The following RAB3GAP2 variants were observed in gnomAD, a reference collection of about 807,000 sequenced individuals.
RAB3GAP2 encodes rab3 GTPase-activating protein non-catalytic subunit.
A neutral mutation model predicts 185.3 loss-of-function variants in RAB3GAP2; 87 were observed. The observed-to-expected ratio is 0.47, with a 90% CI of 0.39 to 0.56. The LOEUF is 0.56. Among genes scored for constraint, RAB3GAP2 ranks in the 20% least tolerant of loss-of-function variants. RAB3GAP2 has a pLI of 0.00. For missense variants in RAB3GAP2, 1,492 were observed against 1,638.2 expected (o/e 0.91, Z 1.54); for synonymous variants, 554 against 576.1 (o/e 0.96, Z 0.55).
intron 1 of RAB3GAP2, among the ~76,000 whole-genome samples, chr1:220,246,765 T>C (rs1558169098): frequency 8.2e-6 from 1 of 121,514 alleles, no homozygotes. Context: ...CTCTGAGGAC[T>C]GTCGTGGGGT....
intron 4 of RAB3GAP2, among the ~76,000 whole-genome samples, chr1:220,211,619 A>C (rs1315028155): frequency 6.6e-6 from 1 of 152,158 alleles, no homozygotes; most frequent in Non-Finnish European, 1.5e-5. Context: ...TGTAGACTTG[A>C]AATATTTGTC....
intron 26 of RAB3GAP2, among the ~76,000 whole-genome samples, chr1:220,165,894 T>TC (rs2102856319): frequency 6.6e-6 from 1 of 152,306 alleles, no homozygotes; most frequent in African/African-American, 2.4e-5. Flanking sequence ...TTTGTCTATG[T>TC]CCCCTCTGCA....
At chr1:220,267,254 G>C in intron 1 of RAB3GAP2, 1 of 912,800 alleles carries the variant, frequency 1.1e-6, no homozygotes, top group South Asian at 1.3e-5. Flanking sequence ...AGTTTCTGAA[G>C]TTCTGTATTG....
chr1:220,166,736 C>T (rs1658075534), intron 26 of RAB3GAP2, among the ~76,000 whole-genome samples: 1 of 152,194 alleles, frequency 6.6e-6, no homozygotes, highest in Non-Finnish European at 1.5e-5. Context: ...CCTTGGACTA[C>T]AGTCAACCCT....
At chr1:220,236,674 GAA>G (rs1018689584) in intron 1 of RAB3GAP2, among the ~76,000 whole-genome samples, 1 of 120,998 alleles carries the variant, frequency 8.3e-6, no homozygotes, top group Non-Finnish European at 1.8e-5. Context: ...ACATTCTTTA[GAA>G]AAAAAAAAAA....
intron 1 of RAB3GAP2, chr1:220,266,969 C>T: frequency 1.2e-6 from 2 of 1,606,072 alleles, no homozygotes; most frequent in Non-Finnish European, 1.7e-6. Flanking sequence ...CAGCAAAGAA[C>T]TCCAAGGCTC....
Position 220,210,883 on chromosome 1 carries a change from C to T in RAB3GAP2, c.435-7G>A. 1 of 1,613,850 alleles carries T rather than the reference C, an allele frequency of 6.2e-7. No homozygotes were observed. The highest frequency in any genetic ancestry group is 8.5e-7 in the Non-Finnish European group (1 of 1,179,882). Reference sequence around the variant, plus strand: ...AGGACGCCCAGTGGAACTCCTGTTACAAACAAAATTTATTATCTTAACAAC... The same window carrying T: ...AGGACGCCCAGTGGAACTCCTGTTATAAACAAAATTTATTATCTTAACAAC... On this transcript the variant is annotated splice_polypyrimidine_tract_variant and splice_region_variant and intron_variant, in intron 5 of 34. Coordinates refer to ENST00000358951, the MANE Select transcript of RAB3GAP2 (RefSeq NM_012414.4).
chr1:220,173,174 G>A (rs1277438246), intron 21 of RAB3GAP2, among the ~76,000 whole-genome samples: 3 of 152,170 alleles, frequency 2.0e-5, no homozygotes, highest in African/African-American at 7.2e-5. Context: ...TTGCAGACGT[G>A]GCAGTGAGGA....
chr1:220,258,898 C>T (rs1187323042), intron 1 of RAB3GAP2, among the ~76,000 whole-genome samples: 1 of 152,138 alleles, frequency 6.6e-6, no homozygotes, highest in Non-Finnish European at 1.5e-5. Flanking sequence ...TCTCAGGATA[C>T]AAAATCAATG....
chr1:220,165,698 T>C (rs1362043368), intron 26 of RAB3GAP2, among the ~76,000 whole-genome samples: 1 of 152,248 alleles, frequency 6.6e-6, no homozygotes, highest in Admixed American at 6.5e-5. Context: ...GCAACATTAA[T>C]GATACTGATA....
Position 220,240,927 on chromosome 1 carries a change from C to T in RAB3GAP2, c.116-8064G>A, listed in dbSNP as rs149765281. Reference sequence around the variant, plus strand: ...AAATGTAAAATGTAACCACAATTCCCTTCTGAAGAGAATTTTTTCCTTGAA... The same window carrying T: ...AAATGTAAAATGTAACCACAATTCCTTTCTGAAGAGAATTTTTTCCTTGAA... On this transcript the variant is annotated intron_variant, in intron 1 of 34. Transcript: ENST00000358951. Among the ~76,000 whole-genome samples, 19 of 152,128 alleles carry T rather than the reference C, an allele frequency of 1.2e-4. No homozygotes were observed. In the East Asian group the frequency reaches 3.3e-3, roughly 26 times the overall value.
In RAB3GAP2 at chr1:220,201,592, C is replaced by T. The variant is rs1300400645; in HGVS notation, c.811+684G>A. 5.3e-5 allele frequency among the ~76,000 whole-genome samples: 8 copies of T among 152,146 alleles called. No individual in the cohort carries two copies. In the South Asian group the frequency reaches 1.2e-3, roughly 24 times the overall value. On this transcript the variant is annotated intron_variant, in intron 9 of 34. Coordinates refer to ENST00000358951, the MANE Select transcript of RAB3GAP2 (RefSeq NM_012414.4). Reference sequence around the variant, plus strand: ...TTGGCTCACTGCAACCTCCACCTCCCGGGTTCAGGCAATTCTCCTGCCTCA... The same window carrying T: ...TTGGCTCACTGCAACCTCCACCTCCTGGGTTCAGGCAATTCTCCTGCCTCA...
intron 2 of RAB3GAP2, among the ~76,000 whole-genome samples, chr1:220,215,063 G>A (rs898663459): frequency 2.7e-5 from 4 of 149,666 alleles, no homozygotes; most frequent in Non-Finnish European, 5.9e-5. Flanking sequence ...TTTAATGTCT[G>A]CATAGTATTC....
At chr1:220,255,792 C>A (rs1293638240) in intron 1 of RAB3GAP2, among the ~76,000 whole-genome samples, 1 of 151,994 alleles carries the variant, frequency 6.6e-6, no homozygotes, top group Non-Finnish European at 1.5e-5. Flanking sequence ...ATAAAGAGAC[C>A]AAATCTATGA....
chr1:220,238,571 A>G (rs951105802), intron 1 of RAB3GAP2, among the ~76,000 whole-genome samples: 5 of 152,234 alleles, frequency 3.3e-5, no homozygotes, highest in African/African-American at 1.2e-4. Context: ...GCACTTTTAC[A>G]GTGCCTGGCA....
intron 1 of RAB3GAP2, among the ~76,000 whole-genome samples, chr1:220,236,929 C>G (rs12066759): frequency 0.041 from 6,191 of 152,150 alleles, 442 homozygotes; most frequent in African/African-American, 0.14. Context: ...ACTATAAGGC[C>G]TTGAGGTTCA....
In RAB3GAP2 at chr1:220,190,021, G is replaced by A. The variant is rs186038331; in HGVS notation, c.1714+43C>T. The A allele has an allele frequency of 1.2e-3, 1,678 of 1,432,434 alleles. 6 individuals are homozygous for A. Among genetic ancestry groups the A allele is most frequent in the Non-Finnish European group, 1.3e-3 (1,275 of 1,015,232 alleles). 88.7% of individuals were successfully genotyped at this position (1,432,434 alleles called of 1,614,324 possible). On this transcript the variant is annotated intron_variant, in intron 16 of 34. Coordinates refer to ENST00000358951, the MANE Select transcript of RAB3GAP2 (RefSeq NM_012414.4). The stretch of plus-strand genomic sequence containing the variant: ...AGAATATTTTATTGATTTAAAAGAT[G>A]ATAGAACAATATGCTTTATTATTTG...
intron 26 of RAB3GAP2, among the ~76,000 whole-genome samples, chr1:220,165,666 C>T (rs1365284262): frequency 6.6e-6 from 1 of 152,132 alleles, no homozygotes; most frequent in Admixed American, 6.5e-5. Context: ...ACAAGTAAAA[C>T]AACAACTTCT....
At chr1:220,257,393 A>C (rs1032531302) in intron 1 of RAB3GAP2, among the ~76,000 whole-genome samples, 2 of 150,348 alleles carry the variant, frequency 1.3e-5, no homozygotes, top group Non-Finnish European at 3.0e-5. Flanking sequence ...AAAACAAAAC[A>C]AAAAAAAACA....
Sources: allele counts gnomAD v4.1 joint callset (sites outside exome capture counted in the v4.1 genomes callset), GRCh38; gene constraint gnomAD v4.1.1; transcripts MANE v1.5; gene names NCBI Gene and HGNC (gene_info 2026-07-23, HGNC 2026-07-21).